The following PRRT1B variants were observed in gnomAD, a reference collection of about 807,000 sequenced individuals.
The protein encoded by PRRT1B is proline rich transmembrane protein 1B.
downstream of PRRT1B, among the ~76,000 whole-genome samples, chr9:131,558,917 C>T (rs1476729282): frequency 6.6e-6 from 1 of 152,224 alleles, no homozygotes; most frequent in Non-Finnish European, 1.5e-5. Flanking sequence ...GCACCCTACC[C>T]ACTCCTCTCT....
At chr9:131,553,941 G>A (rs1033062524) in intron 1 of PRRT1B, among the ~76,000 whole-genome samples, 9 of 152,198 alleles carry the variant, frequency 5.9e-5, no homozygotes, top group South Asian at 2.1e-4. Context: ...GGCCTGGGTC[G>A]GGAGCAAGGC....
intron 2 of PRRT1B, among the ~76,000 whole-genome samples, chr9:131,555,565 A>C (rs1382236187): frequency 2.0e-5 from 3 of 152,112 alleles, no homozygotes; most frequent in Non-Finnish European, 2.9e-5. Flanking sequence ...AGCCCCAGCT[A>C]TTCTTGAGGC....
At chr9:131,556,275 G>A (rs1951049150) in intron 3 of PRRT1B, 62 bp downstream of exon 3, 1 of 400,208 alleles carries the variant, frequency 2.5e-6, no homozygotes, top group East Asian at 3.6e-5. Flanking sequence ...GCGCCCCAGT[G>A]GGTCCACAGA....
At chr9:131,546,393 G>T (rs75008163) in intron 1 of PRRT1B, among the ~76,000 whole-genome samples, 3,668 of 152,286 alleles carry the variant, frequency 0.024, 67 homozygotes, top group Middle Eastern at 0.037. Context: ...ACCCCCAGGC[G>T]TCAGGCGCTG....
In PRRT1B at chr9:131,555,035, T is replaced by G. The variant is rs1951039630; in HGVS notation, c.498+6T>G. Reference sequence around the variant, plus strand: ...CCGCCTTCCCCTTCCCCGTGGTGAGTGGCCGCCGCCCTGGGCGCGCTCCCC... The same window carrying G: ...CCGCCTTCCCCTTCCCCGTGGTGAGGGGCCGCCGCCCTGGGCGCGCTCCCC... On this transcript the variant is annotated splice_donor_region_variant and intron_variant, in intron 2 of 3. Coordinates refer to ENST00000636672, the Ensembl canonical transcript of PRRT1B. 5.1e-6 allele frequency: 2 copies of G among 390,874 alleles called. No homozygotes were observed. Among genetic ancestry groups the G allele is most frequent in the African/African-American group, 2.1e-5 (1 of 48,116 alleles). 24.2% of individuals were successfully genotyped at this position (390,874 alleles called of 1,614,324 possible). A position where few individuals can be genotyped will look rare whatever the true frequency, so the allele number is the denominator to read the frequency against.
intron 1 of PRRT1B, among the ~76,000 whole-genome samples, chr9:131,547,756 A>G (rs1043159505): frequency 6.6e-6 from 1 of 152,082 alleles, no homozygotes. Flanking sequence ...ACATCTCACC[A>G]ATTTTAAATC....
At chr9:131,546,055 C>T (rs1192294161) in intron 1 of PRRT1B, among the ~76,000 whole-genome samples, 1 of 152,156 alleles carries the variant, frequency 6.6e-6, no homozygotes, top group Non-Finnish European at 1.5e-5. Context: ...TCTGGGGGCG[C>T]CCCTGCGGGC....
intron 1 of PRRT1B, among the ~76,000 whole-genome samples, 169 bp downstream of exon 1, chr9:131,545,809 G>A (rs562436208): frequency 1.1e-3 from 161 of 151,680 alleles, no homozygotes; most frequent in Admixed American, 4.6e-3. Context: ...AGATACCAGA[G>A]GGTCGGCTGC....
At chr9:131,555,604 A>T (rs978047065) in intron 2 of PRRT1B, among the ~76,000 whole-genome samples, 1 of 151,880 alleles carries the variant, frequency 6.6e-6, no homozygotes, top group African/African-American at 2.4e-5. Context: ...TGAGCCAGGG[A>T]GGTTGAGGCT....
intron 1 of PRRT1B, among the ~76,000 whole-genome samples, chr9:131,546,246 G>T (rs367547885): frequency 6.6e-6 from 1 of 152,150 alleles, no homozygotes; most frequent in African/African-American, 2.4e-5. Flanking sequence ...GCACGACCTG[G>T]GAAGAGACCC....
At chr9:131,556,107 C>T (rs974199338) in exon 3 of PRRT1B, 12 of 400,986 alleles carry the variant, frequency 3.0e-5, no homozygotes, top group South Asian at 1.3e-4. Flanking sequence ...GGCCCTGCCA[C>T]GGTGGAGCAC....
chr9:131,547,883 T>C (rs1017984011), intron 1 of PRRT1B, among the ~76,000 whole-genome samples: 2 of 152,216 alleles, frequency 1.3e-5, no homozygotes, highest in African/African-American at 4.8e-5. Context: ...TTTCAGTTCC[T>C]TTCCTTTTCT....
At chr9:131,553,458 G>T (rs1278999464) in intron 1 of PRRT1B, among the ~76,000 whole-genome samples, 1 of 152,234 alleles carries the variant, frequency 6.6e-6, no homozygotes, top group Admixed American at 6.5e-5. Context: ...TAAACAGCGT[G>T]GCAGGTGTAT....
At position 131,551,887 on chromosome 9, in the gene PRRT1B, A is replaced by C. The variant is rs146650264; in HGVS notation, c.26-2670A>C. ...TGCACCCAGGTGATTCAAAAGCTTT[A>C]TTGCTCACACAAAGCCTGTTTGGTG... On this transcript the variant is annotated intron_variant, in intron 1 of 3. Transcript: ENST00000636672. The surrounding 1 kb of genome is among the most constrained non-coding windows in gnomAD (Gnocchi z 4.4). Among the ~76,000 whole-genome samples, 1,147 of 152,234 alleles carry C rather than the reference A, an allele frequency of 7.5e-3. 31 individuals are homozygous for C. In the East Asian group the frequency reaches 0.091, roughly 12 times the overall value.
At chr9:131,558,872 C>T (rs1246700524), downstream of PRRT1B, among the ~76,000 whole-genome samples, 2 of 152,200 alleles carry the variant, frequency 1.3e-5, no homozygotes, top group South Asian at 4.1e-4. Context: ...TCTTCCAGGG[C>T]CAATGGCAAC....
intron 2 of PRRT1B, 69 bp from the exon 3 acceptor site, chr9:131,556,001 G>GC (rs1266417884): frequency 7.5e-6 from 3 of 399,262 alleles, no homozygotes; most frequent in African/African-American, 6.2e-5. Context: ...GGCCTGGCTG[G>GC]CCTTCTCACT....
intron 1 of PRRT1B, among the ~76,000 whole-genome samples, chr9:131,548,155 A>G (rs1010946737): frequency 1.6e-4 from 24 of 151,222 alleles, no homozygotes; most frequent in Non-Finnish European, 1.2e-4. Context: ...CACCCAACCC[A>G]TTCTCTCTGT....
chr9:131,553,164 C>G (rs1951023149), intron 1 of PRRT1B, among the ~76,000 whole-genome samples: 1 of 152,168 alleles, frequency 6.6e-6, no homozygotes, highest in South Asian at 2.1e-4. Flanking sequence ...TGAACCACTT[C>G]TAAGTGTGCG....
intron 1 of PRRT1B, among the ~76,000 whole-genome samples, chr9:131,550,948 T>C (rs1335351595): frequency 7.2e-6 from 1 of 138,138 alleles, no homozygotes; most frequent in African/African-American, 2.7e-5. Flanking sequence ...TCTTTTTTTT[T>C]TTTTTTTTTT....
Sources: gnomAD v4.1 joint callset for allele counts (sites outside exome capture counted in the v4.1 genomes callset) on GRCh38, gnomAD v4.1.1 for gene constraint, Gnocchi (gnomAD v3.1) non-coding constraint, MANE v1.5 for transcripts, NCBI Gene and HGNC (gene_info 2026-07-23, HGNC 2026-07-21) for gene names.